Variants in TMCC1 observed in about 807,000 individuals in gnomAD.
TMCC1 encodes transmembrane and coiled-coil domains protein 1.
TMCC1 carries 15 observed loss-of-function variants against 52.4 expected under a neutral mutation model. The observed-to-expected ratio is 0.29, with a 90% CI of 0.19 to 0.44. The LOEUF is 0.44. Among genes scored for constraint, TMCC1 ranks in the 20% least tolerant of loss-of-function variants. The pLI is 1.00. For synonymous variants in TMCC1, 279 were observed against 301.9 expected (o/e 0.92, Z 0.79); for missense variants, 503 against 806.0 (o/e 0.62, Z 4.55).
At chr3:129,730,317 GATTT>G (rs2050441431) in intron 4 of TMCC1, among the ~76,000 whole-genome samples, 1 of 152,136 alleles carries the variant, frequency 6.6e-6, no homozygotes, top group South Asian at 2.1e-4. Flanking sequence ...ATTAATTTAT[GATTT>G]ATTTTGTGTT....
chr3:129,785,560 TACACACACACACACAC>T (rs10656814), intron 4 of TMCC1, among the ~76,000 whole-genome samples: 1 of 146,066 alleles, frequency 6.8e-6, no homozygotes, highest in Non-Finnish European at 1.5e-5. Context: ...TCAATATACA[TACACACACACACACAC>T]ACACACACAA....
At chr3:129,658,084 T>G (rs989426981) in intron 5 of TMCC1, among the ~76,000 whole-genome samples, 4 of 152,234 alleles carry the variant, frequency 2.6e-5, no homozygotes, top group Non-Finnish European at 5.9e-5. Flanking sequence ...TATCCTAATC[T>G]GCTTGTCATT....
chr3:129,771,981 T>C (rs890117612), intron 4 of TMCC1, among the ~76,000 whole-genome samples: 1 of 152,118 alleles, frequency 6.6e-6, no homozygotes, highest in Non-Finnish European at 1.5e-5. Context: ...CAAGACATTT[T>C]AATTACAAAA....
At chr3:129,792,282 C>T (rs1413565720) in intron 4 of TMCC1, among the ~76,000 whole-genome samples, 1 of 151,808 alleles carries the variant, frequency 6.6e-6, no homozygotes, top group Admixed American at 6.6e-5. Flanking sequence ...TGGGGTATGG[C>T]AGGTCCCTGG....
chr3:129,764,300 AT>A (rs1225768052), intron 4 of TMCC1, among the ~76,000 whole-genome samples: 1 of 152,234 alleles, frequency 6.6e-6, no homozygotes, highest in Non-Finnish European at 1.5e-5. Flanking sequence ...CAAGATAAAA[AT>A]TAGAGAACAT....
intron 4 of TMCC1, among the ~76,000 whole-genome samples, chr3:129,824,869 G>C (rs947513884): frequency 2.0e-5 from 3 of 152,090 alleles, no homozygotes; most frequent in Non-Finnish European, 2.9e-5. Flanking sequence ...ATTCTCCCAA[G>C]CAAACTTCAG....
intron 5 of TMCC1, among the ~76,000 whole-genome samples, chr3:129,660,850 T>C (rs1378986154): frequency 6.6e-6 from 1 of 152,166 alleles, no homozygotes; most frequent in Non-Finnish European, 1.5e-5. Context: ...ATAATCATGG[T>C]GCACTGCAGC....
At chr3:129,883,066 AT>A (rs1326882490) in intron 1 of TMCC1, among the ~76,000 whole-genome samples, 1 of 151,952 alleles carries the variant, frequency 6.6e-6, no homozygotes, top group Non-Finnish European at 1.5e-5. Flanking sequence ...AAGTGGGCAG[AT>A]CACCTGAGGT....
intron 4 of TMCC1, among the ~76,000 whole-genome samples, chr3:129,808,921 G>GAA (rs1424160450): frequency 1.2e-5 from 1 of 86,104 alleles, no homozygotes; most frequent in African/African-American, 6.0e-5. Context: ...AGATATGCTG[G>GAA]AAAAAAAAAA....
chr3:129,831,602 A>G (rs975868562), intron 3 of TMCC1, among the ~76,000 whole-genome samples: 1 of 152,228 alleles, frequency 6.6e-6, no homozygotes, highest in African/African-American at 2.4e-5. Flanking sequence ...TAAGGTTTTG[A>G]AGGCTACTAA....
chr3:129,801,295 A>C (rs546181421), intron 4 of TMCC1, among the ~76,000 whole-genome samples: 148 of 151,320 alleles, frequency 9.8e-4, no homozygotes, highest in African/African-American at 3.3e-3. Flanking sequence ...TTTTTTTTTA[A>C]ATTCAACAAT....
intron 4 of TMCC1, among the ~76,000 whole-genome samples, chr3:129,686,097 T>C (rs1057191235): frequency 4.6e-5 from 7 of 152,220 alleles, no homozygotes; most frequent in African/African-American, 1.7e-4. Context: ...TGCATTCACG[T>C]AGGTTCTCAT....
chr3:129,764,603 A>G (rs897638673), intron 4 of TMCC1, among the ~76,000 whole-genome samples: 2 of 151,898 alleles, frequency 1.3e-5, no homozygotes, highest in Non-Finnish European at 1.5e-5. Flanking sequence ...TTTAAATGAA[A>G]TGATAAAGCA....
chr3:129,765,847 G>T (rs2054079843), intron 4 of TMCC1, among the ~76,000 whole-genome samples: 1 of 149,528 alleles, frequency 6.7e-6, no homozygotes, highest in African/African-American at 2.4e-5. Context: ...AGAGTTTGAA[G>T]ATTTCTTATT....
chr3:129,825,417 A>G (rs886233195), intron 4 of TMCC1, among the ~76,000 whole-genome samples: 2 of 152,100 alleles, frequency 1.3e-5, no homozygotes, highest in African/African-American at 4.8e-5. Context: ...CTGGCTATAA[A>G]TAAGAAGATG....
chr3:129,702,391 C>T (rs905832806), intron 4 of TMCC1, among the ~76,000 whole-genome samples: 15 of 151,928 alleles, frequency 9.9e-5, no homozygotes, highest in African/African-American at 3.6e-4. Flanking sequence ...TACCTTCAAT[C>T]TTAAAAAATA....
intron 2 of TMCC1, among the ~76,000 whole-genome samples, chr3:129,851,009 G>A (rs183420044): frequency 1.0e-3 from 154 of 150,180 alleles, no homozygotes; most frequent in African/African-American, 3.4e-3. Flanking sequence ...ACCTTCCAGC[G>A]TGGGCATTAT....
At chr3:129,703,921 T>G (rs1209804506) in intron 4 of TMCC1, among the ~76,000 whole-genome samples, 1 of 152,190 alleles carries the variant, frequency 6.6e-6, no homozygotes, top group African/African-American at 2.4e-5. Flanking sequence ...CTTTGGTAGT[T>G]TTAACCTGAG....
intron 4 of TMCC1, among the ~76,000 whole-genome samples, chr3:129,781,021 C>T (rs1251240679): frequency 6.6e-6 from 1 of 152,168 alleles, no homozygotes; most frequent in Non-Finnish European, 1.5e-5. Context: ...ATCACAGATA[C>T]AGATACAGTT....
Sources: allele counts gnomAD v4.1 joint callset (sites outside exome capture counted in the v4.1 genomes callset), GRCh38; gene constraint gnomAD v4.1.1; transcripts MANE v1.5; gene names NCBI Gene and HGNC (gene_info 2026-07-23, HGNC 2026-07-21).